SNX5: variants seen among roughly 807,000 people sequenced by gnomAD.
SNX5 encodes sorting nexin 5.
Under a neutral mutation model 53.9 loss-of-function variants are expected in SNX5, and 31 were observed. That is an observed-to-expected ratio of 0.58 (90% confidence interval 0.43 to 0.78). The LOEUF (loss-of-function observed/expected upper bound fraction) is 0.78. SNX5 is among the 30% of genes least tolerant of loss of function. SNX5 has a pLI of 0.00. For missense variants in SNX5, 471 were observed against 478.8 expected, an observed-to-expected ratio of 0.98 and a Z score of 0.15; for synonymous variants, 168 against 171.1, an observed-to-expected ratio of 0.98 and a Z score of 0.14.
At chr20:17,951,329 T>C (rs765342425) in intron 6 of SNX5, 171 bp downstream of exon 6, 16 of 595,728 alleles carry the variant, frequency 2.7e-5, no homozygotes, top group Non-Finnish European at 3.7e-5. Flanking sequence ...CAAGGTGCTC[T>C]GGGAAATAAG....
intron 1 of SNX5, chr20:17,961,627 A>AT (rs2035451956): frequency 1.0e-6 from 1 of 984,128 alleles, no homozygotes; most frequent in Non-Finnish European, 1.2e-6. Context: ...AAAAAGACAC[A>AT]TATCTATTTA....
At chr20:17,944,951 A>T (rs1032648596) in intron 11 of SNX5, 7 of 152,180 alleles carry the variant, frequency 4.6e-5, no homozygotes, top group African/African-American at 1.7e-4. Flanking sequence ...TCCTTCATTG[A>T]ATTTGTGACA....
chr20:17,960,425 C>A (rs1325616708), intron 1 of SNX5, among the ~76,000 whole-genome samples: 4 of 152,204 alleles, frequency 2.6e-5, no homozygotes, highest in African/African-American at 4.8e-5. Flanking sequence ...GAAACCCCGT[C>A]TCTACCAAAA....
rs139045116 is a variant in SNX5 at position 17,951,833 on chromosome 20, C to G, written c.514-238G>C. Among the ~76,000 whole-genome samples the G allele has an allele frequency of 1.5e-4, 23 of 152,308 alleles. 1 individual carries two copies. In the East Asian group the frequency reaches 4.4e-3, roughly 29 times the overall value. On this transcript the variant is annotated intron_variant, in intron 5 of 12. Coordinates refer to ENST00000377759, the MANE Select transcript of SNX5 (RefSeq NM_014426.4). The stretch of plus-strand genomic sequence containing the variant: ...TTGAAAGACTGACTAGAAGCTAAGT[C>G]TTAGTGGCTCTGAAATCCTTGGGAA...
At chr20:17,951,731 A>G in intron 5 of SNX5, 136 bp from the exon 6 acceptor site, 1 of 617,322 alleles carries the variant, frequency 1.6e-6, no homozygotes, top group Non-Finnish European at 2.9e-6. Context: ...ATTCTGCCTT[A>G]ACCTCCAAGC....
rs1269135366 is a variant in SNX5, at chr20:17,947,591, CTTTG to C, written c.969_972del (p.Asn323LysfsTer8). On this transcript the variant is annotated frameshift_variant, in exon 11 of 13. Transcript: ENST00000377759. LOFTEE classifies it high-confidence loss of function. ...CTCTTTAACCGGGCCTTATCCAGAG[CTTTG>C]TTTGAGTTCTCATAGTCAATGAGGG... 3.7e-6 allele frequency: 6 copies of C among 1,613,882 alleles called. No individual in the cohort carries two copies. The highest frequency in any genetic ancestry group is 5.1e-6 in the Non-Finnish European group (6 of 1,179,936).
At chr20:17,942,476 G>A in intron 12 of SNX5, 69 bp from the exon 13 acceptor site, 1 of 1,158,106 alleles carries the variant, frequency 8.6e-7, no homozygotes, top group East Asian at 2.3e-5. Context: ...AATGACTCAA[G>A]TACACCAACA....
chr20:17,960,646 G>A (rs975561012), intron 1 of SNX5, among the ~76,000 whole-genome samples: 4 of 151,438 alleles, frequency 2.6e-5, no homozygotes, highest in African/African-American at 4.9e-5. Flanking sequence ...GCATGGTGGC[G>A]TGCGCCTGTA....
At chr20:17,947,386 G>GTGACACA in intron 11 of SNX5, 100 bp downstream of exon 11, 1 of 1,302,584 alleles carries the variant, frequency 7.7e-7, no homozygotes, top group Non-Finnish European at 1.1e-6. Context: ...CTGACACTGG[G>GTGACACA]TGAAGGATAC....
Position 17,955,453 on chromosome 20 carries a change from C to G in SNX5, c.179G>C (p.Ser60Thr), listed in dbSNP as rs1222326524. ...HTKTTLPTFQ[S>T]PEFSVTRQHE... ...TTGCCTTGTAACAGAAAACTCTGGG[C>G]TCTGAAACGTGGGCAGTGTGGTCTG... is the stretch of plus-strand genomic sequence containing the variant. The change falls in exon 3 of 13, where the codon AGC becomes ACC. Residue 60 changes from serine to threonine, a missense_variant. Ser to Thr is a moderately conservative substitution (Grantham distance 58, BLOSUM62 1). Coordinates refer to ENST00000377759, the MANE Select transcript of SNX5 (RefSeq NM_014426.4). 3 of 1,614,040 alleles carry G rather than the reference C, an allele frequency of 1.9e-6. No homozygotes were observed. The highest frequency in any genetic ancestry group is 1.7e-6 in the Non-Finnish European group (2 of 1,179,958).
At chr20:17,951,703 A>G (rs2039570967) in intron 5 of SNX5, 108 bp from the exon 6 acceptor site, 1 of 711,046 alleles carries the variant, frequency 1.4e-6, no homozygotes. Context: ...GTACAGGCAA[A>G]TGCATAAAGT....
chr20:17,967,236 A>C (rs1008376443), intron 1 of SNX5, among the ~76,000 whole-genome samples: 1 of 152,210 alleles, frequency 6.6e-6, no homozygotes, highest in Non-Finnish European at 1.5e-5. Context: ...AAATGCTACC[A>C]AAATCCCAAT....
intron 1 of SNX5, chr20:17,962,857 T>C (rs768852226): frequency 1.9e-6 from 1 of 519,154 alleles, no homozygotes; most frequent in South Asian, 1.4e-5. Context: ...TCAGGCTACA[T>C]AGCCTCAAGT....
chr20:17,967,315 C>T (rs1459626522), intron 1 of SNX5, among the ~76,000 whole-genome samples: 2 of 147,862 alleles, frequency 1.4e-5, no homozygotes, highest in African/African-American at 5.1e-5. Flanking sequence ...TCTCAAGTTT[C>T]CACTTTGTTT....
chr20:17,955,976 G>A (rs1404997596), intron 2 of SNX5, among the ~76,000 whole-genome samples: 1 of 151,864 alleles, frequency 6.6e-6, no homozygotes, highest in Non-Finnish European at 1.5e-5. Context: ...TTATATTTTT[G>A]GAAGAGACAG....
At chr20:17,968,266 G>C in intron 1 of SNX5, 109 bp downstream of exon 1, 1 of 947,082 alleles carries the variant, frequency 1.1e-6, no homozygotes, top group Non-Finnish European at 1.4e-6. Flanking sequence ...TCCCGCGCTG[G>C]GGATGGCGGC....
Position 17,950,134 on chromosome 20 carries a change from T to C in SNX5, c.789A>G (p.Lys263=). The C allele has an allele frequency of 6.2e-7, 1 of 1,614,106 alleles. No individual in the cohort carries two copies. The highest frequency in any genetic ancestry group is 8.5e-7 in the Non-Finnish European group (1 of 1,179,946). Residue 263 remains lysine, a splice_region_variant and synonymous_variant, in exon 8 of 13, where the codon AAA becomes AAG. Coordinates refer to ENST00000377759, the MANE Select transcript of SNX5 (RefSeq NM_014426.4). The part of the protein sequence containing the change: ...SLALEEPTVI[K]KYLLKVAELF... ...AATGCTTTTCCAAAAAAACTTACTT[T>C]TTGATGACTGTGGGCTCTTCTAAAG...
At chr20:17,964,858 G>A (rs1568598754) in intron 1 of SNX5, among the ~76,000 whole-genome samples, 1 of 152,086 alleles carries the variant, frequency 6.6e-6, no homozygotes, top group Admixed American at 6.5e-5. Context: ...AAGAAACTCA[G>A]GTAAGTTTCC....
intron 1 of SNX5, chr20:17,962,757 C>A (rs778705542): frequency 3.9e-6 from 2 of 519,232 alleles, no homozygotes; most frequent in East Asian, 1.1e-4. Flanking sequence ...TCTCAGAGGG[C>A]CCCGTCCCTG....
Sources: gnomAD v4.1 joint callset for allele counts (sites outside exome capture counted in the v4.1 genomes callset) on GRCh38, gnomAD v4.1.1 for gene constraint, MANE v1.5 for transcripts, NCBI Gene and HGNC (gene_info 2026-07-23, HGNC 2026-07-21) for gene names.